Variants in GYS1 observed in about 807,000 individuals in gnomAD.
GYS1 encodes glycogen synthase 1, also known as glycogen [starch] synthase, muscle.
Under a neutral mutation model 89.1 loss-of-function variants are expected in GYS1, and 60 were observed. That is an observed-to-expected ratio of 0.67 (90% confidence interval 0.55 to 0.84). The LOEUF (loss-of-function observed/expected upper bound fraction) is 0.84, where lower values mean the gene tolerates loss of function less well. GYS1 is among the 40% of genes least tolerant of loss of function. The probability of loss-of-function intolerance (pLI) is 0.00; values close to 1 mark genes in which losing one functional copy is unlikely to be tolerated. For missense variants in GYS1, 888 were observed against 1,003.1 expected, an observed-to-expected ratio of 0.89 and a Z score of 1.55; for synonymous variants, 366 against 401.7, an observed-to-expected ratio of 0.91 and a Z score of 1.06.
chr19:48,970,958 C>A lies in GYS1; in HGVS notation c.1615G>T (p.Glu539Ter), dbSNP rs561646250. The change falls in exon 13 of 16, where the codon GAG (glutamate) becomes TAG (stop). Residue 539 changes from glutamate (E) to a stop codon, truncating the protein, a stop_gained. Transcript: ENST00000323798. LOFTEE classifies it high-confidence loss of function. ...TNLSGFGCFMEEHIADPSAYG... is the reference protein window; with the variant it reads ...TNLSGFGCFM ...GCTGAGGGGTCTGCGATGTGTTCCT[C>A]CATGAAGCAGCCGAAGCCGGAGAGA... The A allele has an allele frequency of 9.9e-6, 16 of 1,613,842 alleles. No individual in the cohort carries two copies. Among genetic ancestry groups the A allele is most frequent in the Non-Finnish European group, 1.3e-5 (15 of 1,179,866 alleles).
chr19:48,981,412 AAAACAAAC>A lies in GYS1; in HGVS notation c.1169+110_1169+117del, dbSNP rs141012491. 7,757 of 725,090 alleles carry A rather than the reference AAAACAAAC, an allele frequency of 0.011. 341 individuals carry two copies. In the African/African-American group the frequency reaches 0.11, roughly 10 times the overall value. 44.9% of individuals were successfully genotyped at this position (725,090 alleles called of 1,614,324 possible). On this transcript the variant is annotated intron_variant, in intron 8 of 15. Transcript: ENST00000323798. Reference sequence around the variant, plus strand: ...TGGGCGACAGAGTGAGACTGTCTCAAAAACAAACAAACAAACAAACAAACAAAACAAAA... The same window carrying A: ...TGGGCGACAGAGTGAGACTGTCTCAAAAACAAACAAACAAACAAAACAAAA...
chr19:48,979,864 C>T (rs2038729723), intron 8 of GYS1, among the ~76,000 whole-genome samples: 1 of 151,604 alleles, frequency 6.6e-6, no homozygotes, highest in African/African-American at 2.4e-5. Flanking sequence ...TCAAGCTGGT[C>T]TCAAACTCCC....
rs1296511627 is a variant in GYS1, at chr19:48,968,875, C to T, written c.*413G>A. On this transcript the variant is annotated 3_prime_UTR_variant, in exon 16 of 16. Coordinates refer to ENST00000323798, the MANE Select transcript of GYS1 (RefSeq NM_002103.5). ...ACGTGGTTTCCAGAACTTGGTGGCC[C>T]GCATGCCGGGCCTGAGCGTGGCCTG... The T allele has an allele frequency of 8.5e-6, 4 of 467,968 alleles. No homozygotes were observed. Among genetic ancestry groups the T allele is most frequent in the African/African-American group, 2.0e-5 (1 of 50,618 alleles). The allele number at this position is 467,968 out of a possible 1,614,324, so 29.0% of individuals were successfully genotyped here.
intron 10 of GYS1, among the ~76,000 whole-genome samples, chr19:48,975,195 T>C (rs928104056): frequency 6.6e-6 from 1 of 151,904 alleles, no homozygotes; most frequent in African/African-American, 2.4e-5. Flanking sequence ...CCTCCCAAAG[T>C]GCTGGGATTA....
chr19:48,971,821 G>A (rs1435845899), intron 12 of GYS1, among the ~76,000 whole-genome samples: 1 of 150,606 alleles, frequency 6.6e-6, no homozygotes, highest in African/African-American at 2.4e-5. Flanking sequence ...TTCCCAAAGT[G>A]GTCAAATTAT....
intron 12 of GYS1, among the ~76,000 whole-genome samples, chr19:48,972,902 G>A (rs1458018152): frequency 6.6e-6 from 1 of 152,176 alleles, no homozygotes; most frequent in South Asian, 2.1e-4. Context: ...TCAAGAGGCT[G>A]AGGCAGAAGC....
intron 2 of GYS1, among the ~76,000 whole-genome samples, chr19:48,989,546 C>T (rs1324503483): frequency 1.3e-5 from 2 of 151,500 alleles, no homozygotes; most frequent in African/African-American, 4.8e-5. Flanking sequence ...ACCTCAGCCT[C>T]CTGAGTAACT....
At chr19:48,979,267 A>G (rs1224030070) in intron 8 of GYS1, among the ~76,000 whole-genome samples, 1 of 149,588 alleles carries the variant, frequency 6.7e-6, no homozygotes, top group Non-Finnish European at 1.5e-5. Flanking sequence ...TCACTCCTCC[A>G]CTTAAAATCC....
At chr19:48,988,354 G>A (rs2038873464) in intron 2 of GYS1, among the ~76,000 whole-genome samples, 2 of 152,004 alleles carry the variant, frequency 1.3e-5, no homozygotes, top group African/African-American at 4.8e-5. Flanking sequence ...TTTGTTTTCA[G>A]ACAGGGTCTC....
intron 10 of GYS1, among the ~76,000 whole-genome samples, 188 bp downstream of exon 10, chr19:48,977,736 C>T (rs1475379262): frequency 3.3e-5 from 5 of 152,188 alleles, no homozygotes; most frequent in African/African-American, 7.2e-5. Context: ...CTAAGTGCCT[C>T]GCCTCCAGCA....
intron 12 of GYS1, among the ~76,000 whole-genome samples, chr19:48,973,505 A>AT (rs34032782): frequency 0.38 from 45,660 of 120,640 alleles, 9,728 homozygotes; most frequent in Middle Eastern, 0.47. Context: ...TTTAGCTTTA[A>AT]TTTTTTTTTT....
chr19:48,981,409 T>C (rs2038759839), intron 8 of GYS1, 121 bp downstream of exon 8: 1 of 719,278 alleles, frequency 1.4e-6, no homozygotes, highest in African/African-American at 1.8e-5. Flanking sequence ...TGAGACTGTC[T>C]CAAAAACAAA....
intron 8 of GYS1, 123 bp from the exon 9 acceptor site, chr19:48,978,280 C>T: frequency 5.9e-6 from 5 of 844,420 alleles, no homozygotes; most frequent in Admixed American, 1.9e-5. Flanking sequence ...GGCTGGAATG[C>T]AATGGCGTGA....
At chr19:48,989,523 A>G (rs994260315) in intron 2 of GYS1, among the ~76,000 whole-genome samples, 5 of 150,158 alleles carry the variant, frequency 3.3e-5, no homozygotes, top group African/African-American at 4.9e-5. Flanking sequence ...CAGCCTCCAC[A>G]TCCCATCCTC....
At chr19:48,982,897 G>C (rs907827786) in intron 5 of GYS1, 60 bp from the exon 6 acceptor site, 1 of 1,207,696 alleles carries the variant, frequency 8.3e-7, no homozygotes, top group Non-Finnish European at 1.2e-6. Context: ...TGTTGTGGTT[G>C]AATGAATAAA....
Position 48,969,511 on chromosome 19 carries a change from C to G in GYS1, c.1991G>C (p.Arg664Pro). The G allele has an allele frequency of 6.5e-7, 1 of 1,544,106 alleles. No individual in the cohort carries two copies. The highest frequency in any genetic ancestry group is 1.2e-5 in the South Asian group (1 of 84,010). Residue 664 changes from arginine (R) to proline (P), a missense_variant, in exon 16 of 16, where the codon CGG becomes CCG. By Grantham distance (103) the Arg-to-Pro change is moderately radical (BLOSUM62 -2). Coordinates refer to ENST00000323798, the MANE Select transcript of GYS1 (RefSeq NM_002103.5). ...PHQSEDEEDPRNGPLEEDGER... is the reference protein window; with the variant it reads ...PHQSEDEEDPPNGPLEEDGER... ...GCCGTCTTCCTCCAGCGGCCCGTTC[C>G]GGGGATCCTCCTCGTCCTCACTCTG...
Position 48,969,355 on chromosome 19 carries a change from G to A in GYS1, c.2147C>T (p.Ser716Phe), listed in dbSNP as rs2038514389. The A allele has an allele frequency of 6.3e-7, 1 of 1,585,358 alleles. No homozygotes were observed. Among genetic ancestry groups the A allele is most frequent in the Non-Finnish European group, 8.5e-7 (1 of 1,171,158 alleles). ...SKRNSVDTAT[S>F]SSLSTPSEPL... ...CTCGCTCGGGGTGCTGAGTGAGCTGGAGGTGGCCGTGTCCACAGAGTTGCG... is the reference window on the plus strand; with the variant it reads ...CTCGCTCGGGGTGCTGAGTGAGCTGAAGGTGGCCGTGTCCACAGAGTTGCG... The change falls in exon 16 of 16, where the codon TCC becomes TTC. Residue 716 changes from serine (S) to phenylalanine (F), a missense_variant. Coordinates refer to ENST00000323798, the MANE Select transcript of GYS1 (RefSeq NM_002103.5).
At chr19:48,980,991 G>GCT (rs772897781) in intron 8 of GYS1, among the ~76,000 whole-genome samples, 11 of 152,066 alleles carry the variant, frequency 7.2e-5, no homozygotes, top group Non-Finnish European at 1.6e-4. Flanking sequence ...GCACACCCCT[G>GCT]TAGTCCCAGC....
intron 8 of GYS1, 88 bp downstream of exon 8, chr19:48,981,442 A>G (rs900486722): frequency 7.5e-6 from 6 of 801,982 alleles, no homozygotes; most frequent in Non-Finnish European, 1.3e-5. Context: ...CAAACAAAAC[A>G]AAAAACTGAG....
Sources: gnomAD v4.1 joint callset for allele counts (sites outside exome capture counted in the v4.1 genomes callset) on GRCh38, gnomAD v4.1.1 for gene constraint, MANE v1.5 for transcripts, NCBI Gene and HGNC (gene_info 2026-07-23, HGNC 2026-07-21) for gene names.